The following PRICKLE2 variants were observed in gnomAD, a reference collection of about 807,000 sequenced individuals.
The protein encoded by PRICKLE2 is prickle planar cell polarity protein 2.
Under a neutral mutation model 81.4 loss-of-function variants are expected in PRICKLE2, and 21 were observed. The observed-to-expected ratio is 0.26, with a 90% CI of 0.18 to 0.37. The LOEUF (loss-of-function observed/expected upper bound fraction) is 0.37. PRICKLE2 is among the 10% of genes least tolerant of loss of function. PRICKLE2 has a pLI of 1.00. For missense variants in PRICKLE2, 940 were observed against 1,109.0 expected (o/e 0.85, Z 2.16); for synonymous variants, 456 against 421.5 (o/e 1.08, Z -1.00).
In PRICKLE2 at chr3:64,147,994, A is replaced by G. The variant is rs2077486207; in HGVS notation, c.788-292T>C. Among the ~76,000 whole-genome samples the G allele has an allele frequency of 6.6e-6, 1 of 152,328 alleles. No individual in the cohort carries two copies. Among genetic ancestry groups the G allele is most frequent in the Middle Eastern group, 3.4e-3 (1 of 294 alleles). On this transcript the variant is annotated intron_variant, in intron 6 of 7. Coordinates refer to ENST00000638394, the MANE Select transcript of PRICKLE2 (RefSeq NM_198859.4). This position sits in a 1 kb window ranked among gnomAD's most constrained non-coding sequence, Gnocchi z 5.0. ...ACACATTTCCCCCTGACAAATAGCA[A>G]TAGTAATATTAACGTATGATCATGT...
At chr3:64,184,707 A>C (rs1420493414) in intron 2 of PRICKLE2, among the ~76,000 whole-genome samples, 1 of 152,130 alleles carries the variant, frequency 6.6e-6, no homozygotes, top group Non-Finnish European at 1.5e-5. Flanking sequence ...CCTAGACTCA[A>C]GCCATCATTC....
chr3:64,224,981 A>G lies in PRICKLE2; in HGVS notation c.-112T>C. The G allele has an allele frequency of 1.0e-6, 1 of 985,404 alleles. No homozygotes were observed. The highest frequency in any genetic ancestry group is 1.7e-5 in the African/African-American group (1 of 57,338). 61.0% of individuals were successfully genotyped at this position (985,404 alleles called of 1,614,324 possible). On this transcript the variant is annotated 5_prime_UTR_variant, in exon 1 of 8. Coordinates refer to ENST00000638394, the MANE Select transcript of PRICKLE2 (RefSeq NM_198859.4). Reference sequence around the variant, plus strand: ...ACCCTTGGAGCTTGTCAATTGTCCCAGTTCACTTTCTCCCTGGATCTGACT... The same window carrying G: ...ACCCTTGGAGCTTGTCAATTGTCCCGGTTCACTTTCTCCCTGGATCTGACT...
intron 7 of PRICKLE2, among the ~76,000 whole-genome samples, chr3:64,142,321 T>C (rs1408838650): frequency 6.6e-6 from 1 of 150,788 alleles, no homozygotes; most frequent in Admixed American, 6.6e-5. Context: ...TTCTTTTTTT[T>C]TTTTTTTTTA....
At chr3:64,268,142 C>T (rs1469277495) in intron 2 of PRICKLE2, 4 of 152,264 alleles carry the variant, frequency 2.6e-5, no homozygotes, top group South Asian at 2.1e-4. Flanking sequence ...CCAGGAAAAT[C>T]GCTCAGGTCC....
At chr3:64,199,329 G>C (rs1032975614) in intron 1 of PRICKLE2, 1 of 359,296 alleles carries the variant, frequency 2.8e-6, no homozygotes, top group Non-Finnish European at 5.1e-6. Flanking sequence ...GACTGCAATA[G>C]CAATTAAATA....
At chr3:64,193,899 C>T (rs1195409763) in intron 2 of PRICKLE2, among the ~76,000 whole-genome samples, 1 of 152,220 alleles carries the variant, frequency 6.6e-6, no homozygotes, top group African/African-American at 2.4e-5. Flanking sequence ...ACTGTAAGTC[C>T]AGTTAAATCT....
chr3:64,107,262 GA>G (rs2076770039), intron 7 of PRICKLE2, among the ~76,000 whole-genome samples: 1 of 152,156 alleles, frequency 6.6e-6, no homozygotes, highest in Non-Finnish European at 1.5e-5. Context: ...TTCTGTCTGA[GA>G]AATGTTTCCC....
chr3:64,166,005 TGTG>T (rs1295070822), intron 2 of PRICKLE2, among the ~76,000 whole-genome samples: 9 of 98,308 alleles, frequency 9.2e-5, no homozygotes, highest in African/African-American at 2.4e-4. Flanking sequence ...TGTGTGTGTG[TGTG>T]TGTGTGTTTT....
At chr3:64,119,791 G>T (rs1559520285) in intron 7 of PRICKLE2, among the ~76,000 whole-genome samples, 1 of 152,176 alleles carries the variant, frequency 6.6e-6, no homozygotes, top group Admixed American at 6.5e-5. Context: ...CAATAGCAAA[G>T]ACATGGTATC....
chr3:64,173,971 T>C (rs1559556314), intron 2 of PRICKLE2, among the ~76,000 whole-genome samples: 2 of 152,176 alleles, frequency 1.3e-5, no homozygotes, highest in East Asian at 3.9e-4. Flanking sequence ...AGGTGTTTTG[T>C]TTTCTCAAAG....
At chr3:64,123,456 G>A (rs1282819488) in intron 7 of PRICKLE2, among the ~76,000 whole-genome samples, 3 of 152,202 alleles carry the variant, frequency 2.0e-5, no homozygotes, top group African/African-American at 7.2e-5. Context: ...TGCTCAACTG[G>A]TAAGCCATAT....
chr3:64,124,307 A>G (rs1013979905), intron 7 of PRICKLE2, among the ~76,000 whole-genome samples: 3 of 152,240 alleles, frequency 2.0e-5, no homozygotes, highest in African/African-American at 7.2e-5. Flanking sequence ...AGGTTTAAGG[A>G]AAGAAGCCAT....
chr3:64,187,352 A>T (rs17070094), intron 2 of PRICKLE2, among the ~76,000 whole-genome samples: 1 of 152,096 alleles, frequency 6.6e-6, no homozygotes, highest in African/African-American at 2.4e-5. Flanking sequence ...CTTCCCAAGA[A>T]GAGTGAGGTG....
At chr3:64,146,741 T>TA in intron 7 of PRICKLE2, 89 bp downstream of exon 7, 1 of 1,375,754 alleles carries the variant, frequency 7.3e-7, no homozygotes, top group African/African-American at 1.4e-5. Context: ...AGACTCCATT[T>TA]CAAAAAAAAA....
intron 1 of PRICKLE2, among the ~76,000 whole-genome samples, chr3:64,212,603 T>C (rs1329436331): frequency 6.6e-6 from 1 of 152,178 alleles, no homozygotes; most frequent in Non-Finnish European, 1.5e-5. Context: ...CATAAAATAT[T>C]CCCTAAGTAC....
intron 2 of PRICKLE2, among the ~76,000 whole-genome samples, chr3:64,164,105 G>A (rs2077784298): frequency 1.3e-5 from 2 of 152,250 alleles, no homozygotes; most frequent in African/African-American, 4.8e-5. Flanking sequence ...AGGCATGGTG[G>A]CTCACACCTG....
chr3:64,202,643 T>TGC (rs1342510090), intron 1 of PRICKLE2, among the ~76,000 whole-genome samples: 5 of 98,838 alleles, frequency 5.1e-5, no homozygotes, highest in African/African-American at 1.5e-4. Flanking sequence ...GGTACTTGTG[T>TGC]GCGTGTGTGT....
chr3:64,121,421 T>C (rs1478762312), intron 7 of PRICKLE2, among the ~76,000 whole-genome samples: 1 of 152,136 alleles, frequency 6.6e-6, no homozygotes, highest in Non-Finnish European at 1.5e-5. Context: ...TAAACATGTT[T>C]TGAGAAATAG....
At chr3:64,177,236 A>G (rs1435364083) in intron 2 of PRICKLE2, among the ~76,000 whole-genome samples, 2 of 141,462 alleles carry the variant, frequency 1.4e-5, no homozygotes, top group African/African-American at 5.3e-5. Context: ...CCCGGGTTCA[A>G]GTGATTCTCC....
Sources: allele counts gnomAD v4.1 joint callset (sites outside exome capture counted in the v4.1 genomes callset), GRCh38; gene constraint gnomAD v4.1.1; non-coding constraint Gnocchi (gnomAD v3.1); transcripts MANE v1.5; gene names NCBI Gene and HGNC (gene_info 2026-07-23, HGNC 2026-07-21).